The following XYLB variants were observed in gnomAD, a reference collection of about 807,000 sequenced individuals.
XYLB encodes the protein xylulose kinase.
In XYLB, 62 loss-of-function variants were observed where a neutral mutation model predicts 78.7. That is an observed-to-expected ratio of 0.79 (90% CI 0.64 to 0.97). XYLB has a LOEUF of 0.97. Ranked by LOEUF, XYLB falls within the 50% of genes least tolerant of loss-of-function variation. The probability of loss-of-function intolerance (pLI) is 0.00; values close to 1 mark genes in which losing one functional copy is unlikely to be tolerated. For synonymous variants in XYLB, 245 were observed against 247.4 expected (o/e 0.99, Z 0.09); for missense variants, 687 against 676.8 (o/e 1.02, Z -0.17).
chr3:38,379,105 G>A, intron 14 of XYLB, 141 bp from the exon 15 acceptor site: 1 of 742,140 alleles, frequency 1.3e-6, no homozygotes, highest in Non-Finnish European at 2.3e-6. Context: ...TGTGTGACAG[G>A]CAAAGATAGT....
At chr3:38,437,182 A>G in the XYLB span, among the ~76,000 whole-genome samples, 1 of 152,126 alleles carries the variant, frequency 6.6e-6, no homozygotes, top group Non-Finnish European at 1.5e-5. Flanking sequence ...TGATGAATTC[A>G]ATAGAAGTAG....
At chr3:38,368,135 C>T (rs1375602036) in intron 7 of XYLB, 50 bp from the exon 8 acceptor site, 25 of 1,558,514 alleles carry the variant, frequency 1.6e-5, no homozygotes, top group East Asian at 4.5e-5. Flanking sequence ...CATTCAGTAG[C>T]GTAGGGTATG....
intron 15 of XYLB, among the ~76,000 whole-genome samples, chr3:38,380,415 C>A (rs1177291775): frequency 6.6e-6 from 1 of 152,100 alleles, no homozygotes; most frequent in African/African-American, 2.4e-5. Flanking sequence ...GACTGGCCGC[C>A]TATAGAGTCC....
the XYLB span, among the ~76,000 whole-genome samples, chr3:38,444,560 A>T: frequency 4.6e-5 from 7 of 152,332 alleles, no homozygotes; most frequent in Middle Eastern, 3.4e-3. Context: ...GAAAAGGTCA[A>T]GCTGCAGGAT....
chr3:38,381,391 C>T (rs1432204900), intron 15 of XYLB, among the ~76,000 whole-genome samples: 1 of 152,128 alleles, frequency 6.6e-6, no homozygotes, highest in Non-Finnish European at 1.5e-5. Flanking sequence ...ATTAACTGCA[C>T]AAATTGTACA....
the XYLB span, among the ~76,000 whole-genome samples, chr3:38,427,570 T>C: frequency 6.6e-6 from 1 of 152,152 alleles, no homozygotes; most frequent in African/African-American, 2.4e-5. Context: ...TCAGGTTTAA[T>C]TTGCTCTGCT....
At chr3:38,349,692 G>C (rs1367357038) in intron 2 of XYLB, among the ~76,000 whole-genome samples, 2 of 152,194 alleles carry the variant, frequency 1.3e-5, no homozygotes, top group African/African-American at 4.8e-5. Context: ...CATAGACTGG[G>C]TGGGTTAAAG....
chr3:38,416,798 A>T (rs993745066), downstream of XYLB, among the ~76,000 whole-genome samples: 1 of 152,228 alleles, frequency 6.6e-6, no homozygotes, highest in Non-Finnish European at 1.5e-5. Context: ...TTAGAGCTTC[A>T]GTTATCTGGT....
At chr3:38,383,766 C>T (rs1319208461) in intron 15 of XYLB, among the ~76,000 whole-genome samples, 1 of 152,118 alleles carries the variant, frequency 6.6e-6, no homozygotes, top group East Asian at 1.9e-4. Context: ...TCACTCTAGC[C>T]TGGGCGACAG....
intron 4 of XYLB, among the ~76,000 whole-genome samples, chr3:38,363,616 G>A (rs146686384): frequency 1.3e-5 from 2 of 152,320 alleles, no homozygotes; most frequent in Non-Finnish European, 2.9e-5. Flanking sequence ...CCTGGGATAC[G>A]TCATCTGGCT....
At chr3:38,389,405 T>C (rs2125633479) in intron 15 of XYLB, among the ~76,000 whole-genome samples, 1 of 152,166 alleles carries the variant, frequency 6.6e-6, no homozygotes. Flanking sequence ...TTCCCCCTTT[T>C]CTATTCCACA....
downstream of XYLB, among the ~76,000 whole-genome samples, chr3:38,422,352 G>A (rs568270334): frequency 5.3e-5 from 8 of 152,188 alleles, no homozygotes; most frequent in Admixed American, 3.3e-4. Flanking sequence ...ATGGGGAGAA[G>A]TGAAACTAAA....
intron 1 of XYLB, 26 bp from the exon 2 acceptor site, chr3:38,348,524 A>G (rs373060071): frequency 2.7e-5 from 44 of 1,612,598 alleles, no homozygotes; most frequent in Middle Eastern, 3.3e-4. Context: ...AAAATTCTAC[A>G]CTTCCTTTTT....
chr3:38,452,252 C>T, the XYLB span: 1 of 152,074 alleles, frequency 6.6e-6, no homozygotes, highest in East Asian at 1.9e-4. Flanking sequence ...GGGATTATAG[C>T]AAGCAGGGAC....
the XYLB span, chr3:38,451,344 A>T: frequency 6.6e-6 from 1 of 152,148 alleles, no homozygotes; most frequent in African/African-American, 2.4e-5. Context: ...TCCAGCTTTA[A>T]CTGCAAAAGG....
At chr3:38,355,725 C>T (rs1705609874) in intron 2 of XYLB, 1 of 703,350 alleles carries the variant, frequency 1.4e-6, no homozygotes, top group South Asian at 1.5e-5. Flanking sequence ...CCATTTTTGG[C>T]TGATGTGGGT....
In XYLB at chr3:38,368,244, T is replaced by G. The variant is rs1363906604; in HGVS notation, c.633T>G (p.Ile211Met). Residue 211 changes from isoleucine to methionine, a missense_variant, in exon 8 of 19, where the codon ATT becomes ATG. Physicochemically the swap from Ile to Met is conservative, Grantham distance 10 (BLOSUM62 1). Coordinates refer to ENST00000207870, the MANE Select transcript of XYLB (RefSeq NM_005108.4). Reference sequence around the variant, plus strand: ...TGTTCCTTGGCTCTTACTCCCCTATTGACTACAGTGATGGTGAGCCTCGGG... The same window carrying G: ...TGTTCCTTGGCTCTTACTCCCCTATGGACTACAGTGATGGTGAGCCTCGGG... ...ASLFLGSYSP[I>M]DYSDGSGMNL... 1 of 1,614,022 alleles carries G rather than the reference T, an allele frequency of 6.2e-7. No homozygotes were observed. The highest frequency in any genetic ancestry group is 1.7e-5 in the Admixed American group (1 of 60,010).
chr3:38,396,734 G>A (rs1707884881), intron 16 of XYLB, among the ~76,000 whole-genome samples: 1 of 152,180 alleles, frequency 6.6e-6, no homozygotes, highest in African/African-American at 2.4e-5. Context: ...GTTTGGGCTT[G>A]TTAATGTTAG....
chr3:38,360,421 A>C lies in XYLB; in HGVS notation c.210+13A>C. 1 of 1,575,750 alleles carries C rather than the reference A, an allele frequency of 6.3e-7. No individual in the cohort carries two copies. Among genetic ancestry groups the C allele is most frequent in the South Asian group, 1.2e-5 (1 of 85,686 alleles). ...AATGTGGGTCCAGGTAAGCGCAGGG[A>C]TTCCTATTCTCCTTCTATCCCCAGG... is the stretch of plus-strand genomic sequence containing the variant. On this transcript the variant is annotated intron_variant, in intron 3 of 18. Coordinates refer to ENST00000207870, the MANE Select transcript of XYLB (RefSeq NM_005108.4).
Sources: allele counts gnomAD v4.1 joint callset (sites outside exome capture counted in the v4.1 genomes callset), GRCh38; gene constraint gnomAD v4.1.1; transcripts MANE v1.5; gene names NCBI Gene and HGNC (gene_info 2026-07-23, HGNC 2026-07-21).